Variants in NTM observed in about 807,000 individuals in gnomAD.
NTM encodes the protein neurotrimin, also known as IgLON family member 2.
In NTM, 13 loss-of-function variants were observed where a neutral mutation model predicts 42.1. The observed-to-expected ratio is 0.31, with a 90% confidence interval of 0.20 to 0.49. NTM has a LOEUF of 0.49. NTM is among the 20% of genes least tolerant of loss of function. NTM has a pLI of 0.99. For synonymous variants in NTM, 187 were observed against 179.2 expected (o/e 1.04, Z -0.35); for missense variants, 373 against 452.8 (o/e 0.82, Z 1.60).
At chr11:132,287,972 G>A (rs1482417513) in intron 4 of NTM, among the ~76,000 whole-genome samples, 1 of 152,070 alleles carries the variant, frequency 6.6e-6, no homozygotes, top group African/African-American at 2.4e-5. Flanking sequence ...GTGGTTCAAG[G>A]GTATGATATA....
At chr11:132,190,718 C>G (rs1011282225) in intron 3 of NTM, among the ~76,000 whole-genome samples, 1 of 140,630 alleles carries the variant, frequency 7.1e-6, no homozygotes, top group Non-Finnish European at 1.5e-5. Context: ...GCCTGGGTGA[C>G]AGAGTGAGAA....
At chr11:132,228,969 G>T (rs1463810286) in intron 4 of NTM, among the ~76,000 whole-genome samples, 1 of 152,168 alleles carries the variant, frequency 6.6e-6, no homozygotes, top group Admixed American at 6.5e-5. Context: ...GGATTCTTAG[G>T]CTAGGCATGA....
intron 1 of NTM, among the ~76,000 whole-genome samples, chr11:131,464,358 CT>C (rs1446593147): frequency 1.4e-5 from 2 of 138,118 alleles, no homozygotes; most frequent in East Asian, 4.2e-4. Context: ...GCAGGGAAAG[CT>C]GGGGGGGGGG....
chr11:131,763,709 C>CT (rs557522093), intron 1 of NTM, among the ~76,000 whole-genome samples: 2,812 of 71,304 alleles, frequency 0.039, 277 homozygotes, highest in African/African-American at 0.063. Context: ...ATCTCTCTCT[C>CT]TTTTTTTTTT....
intron 1 of NTM, among the ~76,000 whole-genome samples, chr11:131,756,488 C>A (rs2083351837): frequency 6.6e-6 from 1 of 150,910 alleles, no homozygotes; most frequent in Non-Finnish European, 1.5e-5. Context: ...CACGCCACTG[C>A]ACTCCAGCCT....
chr11:132,289,352 A>G (rs970152491), intron 4 of NTM, among the ~76,000 whole-genome samples: 1 of 152,214 alleles, frequency 6.6e-6, no homozygotes, highest in African/African-American at 2.4e-5. Context: ...TGGTTTACAC[A>G]AGAGTTCAGT....
intron 1 of NTM, chr11:131,794,660 G>A (rs879412867): frequency 1.5e-5 from 15 of 984,998 alleles, no homozygotes; most frequent in Middle Eastern, 5.2e-4. Flanking sequence ...GTGCATATAC[G>A]GGCAAAACTG....
At chr11:132,290,954 T>G (rs1223037618) in intron 4 of NTM, among the ~76,000 whole-genome samples, 1 of 152,144 alleles carries the variant, frequency 6.6e-6, no homozygotes, top group Non-Finnish European at 1.5e-5. Context: ...ATGAGTTGTT[T>G]CCGTTAGATC....
chr11:131,976,116 A>ATTCCTTCCTTCCTCATTCCTTCC (rs2064310764), intron 2 of NTM, among the ~76,000 whole-genome samples: 1 of 123,770 alleles, frequency 8.1e-6, no homozygotes, highest in Non-Finnish European at 1.7e-5. Context: ...TCCCTCCCTC[A>ATTCCTTCCTTCCTCATTCCTTCC]TTCCTTCCTT....
At chr11:132,284,375 G>A (rs1348274810) in intron 4 of NTM, 1 of 152,336 alleles carries the variant, frequency 6.6e-6, no homozygotes, top group Non-Finnish European at 1.5e-5. Context: ...TTCTCCCTGT[G>A]TTTTCACATG....
intron 4 of NTM, among the ~76,000 whole-genome samples, chr11:132,293,228 A>C (rs2094508678): frequency 6.6e-6 from 1 of 152,168 alleles, no homozygotes; most frequent in Admixed American, 6.5e-5. Context: ...GTAATTATTT[A>C]GATAATATGA....
intron 1 of NTM, among the ~76,000 whole-genome samples, chr11:131,563,954 G>T (rs1211393965): frequency 6.6e-6 from 1 of 152,096 alleles, no homozygotes; most frequent in Non-Finnish European, 1.5e-5. Flanking sequence ...CGTTGCCAAA[G>T]AGAGACCTGA....
intron 1 of NTM, among the ~76,000 whole-genome samples, chr11:131,868,771 C>T (rs1348593412): frequency 4.6e-5 from 7 of 152,170 alleles, no homozygotes; most frequent in Non-Finnish European, 1.0e-4. Flanking sequence ...ATAAGGCTGT[C>T]CTGATGACAT....
At chr11:132,317,288 C>T (rs1176971753) in intron 7 of NTM, among the ~76,000 whole-genome samples, 4 of 151,858 alleles carry the variant, frequency 2.6e-5, no homozygotes, top group Admixed American at 1.3e-4. Flanking sequence ...TAAGATGAAA[C>T]GATGGGGGTG....
intron 1 of NTM, among the ~76,000 whole-genome samples, chr11:131,687,020 C>G (rs1387532918): frequency 6.6e-6 from 1 of 152,092 alleles, no homozygotes; most frequent in Non-Finnish European, 1.5e-5. Flanking sequence ...TGCCCCAGTT[C>G]GGGACAACCT....
At chr11:131,605,958 C>T in intron 1 of NTM, 1 of 884,122 alleles carries the variant, frequency 1.1e-6, no homozygotes, top group Non-Finnish European at 1.4e-6. Context: ...TATTCTTTCA[C>T]TATTCTTTTC....
intron 1 of NTM, among the ~76,000 whole-genome samples, chr11:131,693,557 T>C (rs1286948832): frequency 6.6e-6 from 1 of 152,152 alleles, no homozygotes; most frequent in Non-Finnish European, 1.5e-5. Flanking sequence ...CAGGATTATC[T>C]ATTACCTGAG....
chr11:131,428,880 C>CAAAAAA (rs35312475), intron 1 of NTM, among the ~76,000 whole-genome samples: 19 of 83,988 alleles, frequency 2.3e-4, no homozygotes, highest in African/African-American at 4.2e-4. Flanking sequence ...ACTAAAAATA[C>CAAAAAA]AAAAAAAAAA....
chr11:131,767,987 C>T (rs551707098), intron 1 of NTM, among the ~76,000 whole-genome samples: 9 of 151,896 alleles, frequency 5.9e-5, no homozygotes, highest in South Asian at 4.2e-4. Context: ...GAGGAAATTC[C>T]GGTGTCCATG....
Sources: allele counts gnomAD v4.1 joint callset (sites outside exome capture counted in the v4.1 genomes callset), GRCh38; gene constraint gnomAD v4.1.1; transcripts MANE v1.5; gene names NCBI Gene and HGNC (gene_info 2026-07-23, HGNC 2026-07-21).